CNTNAP2: variants seen among roughly 807,000 people sequenced by gnomAD.
The protein encoded by CNTNAP2 is contactin associated protein 2, also known as contactin-associated protein-like 2.
Under a neutral mutation model 155.2 loss-of-function variants are expected in CNTNAP2, and 98 were observed. The ratio of observed to expected loss-of-function variants is 0.63; its 90% CI spans 0.54 to 0.75. CNTNAP2 has a LOEUF of 0.75. Among genes scored for constraint, CNTNAP2 ranks in the 30% least tolerant of loss-of-function variants. CNTNAP2 has a pLI of 0.00. For missense variants in CNTNAP2, 1,727 were observed against 1,688.1 expected (o/e 1.02, Z -0.40); for synonymous variants, 651 against 631.2 (o/e 1.03, Z -0.47).
At chr7:147,617,805 T>G (rs1353892352) in intron 12 of CNTNAP2, among the ~76,000 whole-genome samples, 1 of 152,176 alleles carries the variant, frequency 6.6e-6, no homozygotes, top group Non-Finnish European at 1.5e-5. Flanking sequence ...ATGGGTGCCC[T>G]CCAAGATCAC....
intron 1 of CNTNAP2, among the ~76,000 whole-genome samples, chr7:146,133,592 A>G (rs1172269761): frequency 1.3e-5 from 2 of 152,078 alleles, no homozygotes; most frequent in African/African-American, 2.4e-5. Flanking sequence ...ATTTTTGTAT[A>G]AGGTGTAAGG....
At chr7:147,179,613 G>C (rs573822048) in intron 8 of CNTNAP2, among the ~76,000 whole-genome samples, 1 of 152,118 alleles carries the variant, frequency 6.6e-6, no homozygotes, top group African/African-American at 2.4e-5. Context: ...TCACCAAAAG[G>C]GTAGGTAATT....
In CNTNAP2 at chr7:146,174,822, G is replaced by A. The variant is rs118191286; in HGVS notation, c.97+57849G>A. Among the ~76,000 whole-genome samples the A allele has an allele frequency of 8.2e-4, 124 of 152,090 alleles. No individual in the cohort carries two copies. The East Asian group carries it at 0.017, about 21-fold the overall frequency. On this transcript the variant is annotated intron_variant, in intron 1 of 23. Coordinates refer to ENST00000361727, the MANE Select transcript of CNTNAP2 (RefSeq NM_014141.6). Reference sequence around the variant, plus strand: ...CACTCCACTGCACTCCAGCCCAGGCGGCAGAGCGAGACTCATCTCAAACAA... The same window carrying A: ...CACTCCACTGCACTCCAGCCCAGGCAGCAGAGCGAGACTCATCTCAAACAA...
chr7:147,775,657 A>G (rs996073046), intron 13 of CNTNAP2, among the ~76,000 whole-genome samples: 27 of 151,722 alleles, frequency 1.8e-4, no homozygotes, highest in African/African-American at 5.6e-4. Context: ...GCACTGATGT[A>G]ACAGCATGAC....
At chr7:147,341,433 A>T (rs1795761155) in intron 9 of CNTNAP2, among the ~76,000 whole-genome samples, 1 of 53,576 alleles carries the variant, frequency 1.9e-5, no homozygotes, top group African/African-American at 2.0e-4. Context: ...AAATTAAAGT[A>T]TAAAAAAAAA....
rs755598067 is a variant in CNTNAP2, at chr7:147,114,578, G to GT, written c.754+6234dup. Among the ~76,000 whole-genome samples, 114 of 152,188 alleles carry GT rather than the reference G, an allele frequency of 7.5e-4. No homozygotes were observed. In the Middle Eastern group the frequency reaches 0.01, roughly 14 times the overall value. ...ACCATTAGGTAATGCCCTTCTTTGTGTTTTTTGATCTTTGGTGGGTTAAAG... is the reference window on the plus strand; with the variant it reads ...ACCATTAGGTAATGCCCTTCTTTGTGTTTTTTTGATCTTTGGTGGGTTAAAG... On this transcript the variant is annotated intron_variant, in intron 5 of 23. Transcript: ENST00000361727.
At chr7:147,445,174 C>G (rs898680059) in intron 10 of CNTNAP2, among the ~76,000 whole-genome samples, 1 of 152,128 alleles carries the variant, frequency 6.6e-6, no homozygotes, top group Non-Finnish European at 1.5e-5. Flanking sequence ...GATGACTAGC[C>G]GAATGTTAAC....
chr7:147,663,861 A>C (rs1396782115), intron 13 of CNTNAP2, among the ~76,000 whole-genome samples: 1 of 150,682 alleles, frequency 6.6e-6, no homozygotes, highest in African/African-American at 2.5e-5. Flanking sequence ...TTTAATTTCT[A>C]AATGTGGAAT....
At chr7:147,551,349 T>C (rs148722638) in intron 11 of CNTNAP2, among the ~76,000 whole-genome samples, 1 of 152,334 alleles carries the variant, frequency 6.6e-6, no homozygotes. Context: ...TGCTTTAAGA[T>C]TCTGGAATAT....
chr7:147,835,168 C>A (rs1036396912), intron 13 of CNTNAP2, among the ~76,000 whole-genome samples: 2 of 152,116 alleles, frequency 1.3e-5, no homozygotes, highest in African/African-American at 4.8e-5. Context: ...CCACAGAGGT[C>A]AGGGAAGGCC....
intron 1 of CNTNAP2, among the ~76,000 whole-genome samples, chr7:146,309,907 A>G (rs375682951): frequency 2.0e-5 from 3 of 152,178 alleles, no homozygotes; most frequent in East Asian, 3.9e-4. Flanking sequence ...ATTTGAACAA[A>G]AAAAGGGGGA....
chr7:148,274,900 A>T lies in CNTNAP2; in HGVS notation c.3475+7774A>T, dbSNP rs184436800. Reference sequence around the variant, plus strand: ...TTGTCATGTGTAAAATAGGAATAGTAATGGTCTCTGTGTCACGGGATTCAG... The same window carrying T: ...TTGTCATGTGTAAAATAGGAATAGTTATGGTCTCTGTGTCACGGGATTCAG... On this transcript the variant is annotated intron_variant, in intron 21 of 23. Coordinates refer to ENST00000361727, the MANE Select transcript of CNTNAP2 (RefSeq NM_014141.6). 2.4e-3 allele frequency among the ~76,000 whole-genome samples: 368 copies of T among 152,330 alleles called. 1 individual carries two copies. The highest frequency in any genetic ancestry group is 6.8e-3 in the Middle Eastern group (2 of 294).
chr7:146,320,783 A>G (rs1800987099), intron 1 of CNTNAP2, among the ~76,000 whole-genome samples: 1 of 152,186 alleles, frequency 6.6e-6, no homozygotes, highest in South Asian at 2.1e-4. Context: ...TTCAAACATT[A>G]AAGTTAAAAA....
Position 148,283,255 on chromosome 7 carries a change from A to AAAAG in CNTNAP2, c.3475+16178_3475+16181dup, listed in dbSNP as rs1199149066. On this transcript the variant is annotated intron_variant, in intron 21 of 23. Transcript: ENST00000361727. Reference sequence around the variant, plus strand: ...ACTCTGTCTCAAAAAAAAAAAAAAAAAAAGAAAGAAAGAAAGAAAGAAAGA... The same window carrying AAAAG: ...ACTCTGTCTCAAAAAAAAAAAAAAAAAAAGAAAGAAAGAAAGAAAGAAAGAAAGA... Among the ~76,000 whole-genome samples, 538 of 63,580 alleles carry AAAAG rather than the reference A, an allele frequency of 8.5e-3. 17 individuals carry two copies. Among genetic ancestry groups the AAAAG allele is most frequent in the African/African-American group, 0.027 (440 of 16,496 alleles). The allele number at this position is 63,580 out of a possible 152,430, so 41.7% of individuals were successfully genotyped here.
At chr7:146,919,940 G>A (rs905223068) in intron 3 of CNTNAP2, among the ~76,000 whole-genome samples, 5 of 152,182 alleles carry the variant, frequency 3.3e-5, no homozygotes, top group African/African-American at 1.2e-4. Context: ...GGAGCTGCAA[G>A]TTGGTCCTTC....
chr7:146,958,303 T>C (rs982529525), intron 3 of CNTNAP2, among the ~76,000 whole-genome samples: 24 of 152,174 alleles, frequency 1.6e-4, no homozygotes, highest in African/African-American at 5.8e-4. Flanking sequence ...AGAACATACT[T>C]TTGTTCTCAC....
At chr7:147,661,697 T>C (rs532801347) in intron 13 of CNTNAP2, among the ~76,000 whole-genome samples, 1 of 152,044 alleles carries the variant, frequency 6.6e-6, no homozygotes, top group East Asian at 1.9e-4. Flanking sequence ...GGATTACAGG[T>C]GTGTGCCACT....
intron 13 of CNTNAP2, chr7:147,894,093 G>C (rs942129952): frequency 1.3e-5 from 2 of 152,218 alleles, no homozygotes; most frequent in Non-Finnish European, 2.9e-5. Flanking sequence ...CCATCCTGGA[G>C]ATTATTATAA....
At chr7:147,679,722 T>C (rs1308869010) in intron 13 of CNTNAP2, among the ~76,000 whole-genome samples, 5 of 151,900 alleles carry the variant, frequency 3.3e-5, no homozygotes, top group African/African-American at 1.2e-4. Context: ...CAACAAATTC[T>C]CCTGAACCTT....
Sources: allele counts gnomAD v4.1 joint callset (sites outside exome capture counted in the v4.1 genomes callset), GRCh38; gene constraint gnomAD v4.1.1; transcripts MANE v1.5; gene names NCBI Gene and HGNC (gene_info 2026-07-23, HGNC 2026-07-21).